Variants in STAB1 observed in about 807,000 individuals in gnomAD.
STAB1 encodes stabilin-1.
Under a neutral mutation model 332.4 loss-of-function variants are expected in STAB1, and 250 were observed. The ratio of observed to expected loss-of-function variants is 0.75; its 90% CI spans 0.68 to 0.84. STAB1 has a LOEUF of 0.84. Ranked by LOEUF, STAB1 falls within the 40% of genes least tolerant of loss-of-function variation. STAB1 has a pLI of 0.00. For missense variants in STAB1, 3,249 were observed against 3,489.7 expected (o/e 0.93, Z 1.74); for synonymous variants, 1,475 against 1,390.4 (o/e 1.06, Z -1.35).
In STAB1 at chr3:52,518,295, G is replaced by C. The variant is rs765320183; in HGVS notation, c.4762-17G>C. On this transcript the variant is annotated splice_polypyrimidine_tract_variant and intron_variant, in intron 45 of 68. Coordinates refer to ENST00000321725, the MANE Select transcript of STAB1 (RefSeq NM_015136.3). Reference sequence around the variant, plus strand: ...ATGGGGGCCGCCCCAAATCTGAGCTGACCCTCGCCCCCCCAGGAGCTCCTG... The same window carrying C: ...ATGGGGGCCGCCCCAAATCTGAGCTCACCCTCGCCCCCCCAGGAGCTCCTG... 1.2e-5 allele frequency: 20 copies of C among 1,612,300 alleles called. No individual in the cohort carries two copies. Among genetic ancestry groups the C allele is most frequent in the African/African-American group, 4.0e-5 (3 of 74,916 alleles).
chr3:52,497,457 G>A (rs145759627), intron 1 of STAB1, among the ~76,000 whole-genome samples: 107 of 141,964 alleles, frequency 7.5e-4, no homozygotes, highest in Non-Finnish European at 1.2e-3. Flanking sequence ...CTGTTGTCCG[G>A]GCTGCATTAC....
Position 52,520,131 on chromosome 3 carries a change from C to T in STAB1, c.5412+11C>T. On this transcript the variant is annotated intron_variant, in intron 51 of 68. Coordinates refer to ENST00000321725, the MANE Select transcript of STAB1 (RefSeq NM_015136.3). ...ATTCGCAATGTCGAGGTGGGTGCAG[C>T]CCCCAACCTTGGTCTTCACTGCCTG... 1 of 1,612,022 alleles carries T rather than the reference C, an allele frequency of 6.2e-7. No individual in the cohort carries two copies.
chr3:52,506,369 G>A (rs1198573705), intron 17 of STAB1, 119 bp downstream of exon 17: 34 of 927,840 alleles, frequency 3.7e-5, no homozygotes, highest in South Asian at 5.9e-5. Flanking sequence ...AGGCCATGGC[G>A]GGCTCATGGG....
chr3:52,506,111 G>A, intron 16 of STAB1, 59 bp from the exon 17 acceptor site: 1 of 1,564,346 alleles, frequency 6.4e-7, no homozygotes. Flanking sequence ...GGCAGGACTG[G>A]GCGTGGCCCC....
intron 42 of STAB1, 42 bp downstream of exon 42, chr3:52,517,151 G>T: frequency 6.6e-7 from 1 of 1,516,830 alleles, no homozygotes; most frequent in Middle Eastern, 1.8e-4. Flanking sequence ...TGGGCTAGGG[G>T]TCTGGCTTCA....
In STAB1 at chr3:52,520,788, G is replaced by A; in HGVS notation, c.5707-16G>A. ...ACTCAGAACCACCCAACTGCGGCCT[G>A]ACTCCTTTGGCCCAGGGCAGCCCTG... On this transcript the variant is annotated splice_polypyrimidine_tract_variant and intron_variant, in intron 54 of 68. Coordinates refer to ENST00000321725, the MANE Select transcript of STAB1 (RefSeq NM_015136.3). 6.2e-7 allele frequency: 1 copy of A among 1,612,772 alleles called. No homozygotes were observed. The highest frequency in any genetic ancestry group is 8.5e-7 in the Non-Finnish European group (1 of 1,180,016).
At chr3:52,511,783 T>C in intron 26 of STAB1, 38 bp downstream of exon 26, 1 of 1,503,350 alleles carries the variant, frequency 6.7e-7, no homozygotes, top group East Asian at 2.5e-5. Flanking sequence ...GGGGAAGCTT[T>C]CTGGGGTGAG....
chr3:52,521,444 C>A lies in STAB1; in HGVS notation c.5992C>A (p.Arg1998Ser). The change falls in exon 56 of 69, where the codon CGT (arginine) becomes AGT (serine). Residue 1998 changes from arginine (R) to serine (S), a missense_variant. Physicochemically the swap from Arg to Ser is moderately radical, Grantham distance 110. Coordinates refer to ENST00000321725, the MANE Select transcript of STAB1 (RefSeq NM_015136.3). ...GAGTGGCAGTGGGCAGTGTCTGTGC[C>A]GTTCAGGTTTTGCTGGGACAGCCTG... ...GMSGSGQCLC[R>S]SGFAGTACEL... 6.2e-7 allele frequency: 1 copy of A among 1,614,010 alleles called. No homozygotes were observed. The highest frequency in any genetic ancestry group is 8.5e-7 in the Non-Finnish European group (1 of 1,180,010).
At chr3:52,513,040 C>T in intron 29 of STAB1, 82 bp downstream of exon 29, 1 of 1,561,728 alleles carries the variant, frequency 6.4e-7, no homozygotes, top group Non-Finnish European at 8.7e-7. Context: ...GCCTGGCAGG[C>T]ACTCACCCCT....
At position 52,505,181 on chromosome 3, in the gene STAB1, TG is replaced by T. The variant is rs774109572; in HGVS notation, c.1518+41del. On this transcript the variant is annotated intron_variant, in intron 13 of 68. Transcript: ENST00000321725. ...CCTCCCCTCCCCTCCCCTGTGCTGC[TG>T]GGTAATCTCAGACCCCTGCAGAGAG... 3.1e-6 allele frequency: 5 copies of T among 1,609,752 alleles called. No individual in the cohort carries two copies. In the South Asian group the frequency reaches 5.5e-5, roughly 18 times the overall value.
rs200816862 is a variant in STAB1 at position 52,522,789 on chromosome 3, G to A, written c.6759G>A (p.Leu2253=). The change falls in exon 62 of 69, where the codon CTG becomes CTA. Residue 2253 remains leucine, a synonymous_variant. Coordinates refer to ENST00000321725, the MANE Select transcript of STAB1 (RefSeq NM_015136.3). ...LSAAQQLGFH[L]CLMGWLANGS... is the part of the protein sequence containing the mutation. ...TGTTCCTACAGCTGGGCTTCCACCT[G>A]TGCCTCATGGGCTGGCTGGCCAATG... is the stretch of plus-strand genomic sequence containing the variant. 3.7e-5 allele frequency: 60 copies of A among 1,613,096 alleles called. No homozygotes were observed. The African/African-American group carries it at 4.7e-4, about 13-fold the overall frequency.
intron 26 of STAB1, among the ~76,000 whole-genome samples, chr3:52,512,087 G>A (rs1449960393): frequency 3.3e-5 from 5 of 152,226 alleles, no homozygotes; most frequent in African/African-American, 7.2e-5. Context: ...CTGGGGATAC[G>A]GGCCTCCTGG....
chr3:52,505,696 G>C lies in STAB1; in HGVS notation c.1610G>C (p.Gly537Ala), dbSNP rs1308140493. The C allele has an allele frequency of 6.2e-7, 1 of 1,613,642 alleles. No homozygotes were observed. Among genetic ancestry groups the C allele is most frequent in the African/African-American group, 1.3e-5 (1 of 74,938 alleles). Reference protein sequence around the residue: ...ENCGLPSILDGPGPFTVFAPS... With the variant: ...ENCGLPSILDAPGPFTVFAPS... ...TGTGGGCTGCCCTCCATCCTGGACGGACCTGGGCCCTTCACAGTCTTTGCC... is the reference window on the plus strand; with the variant it reads ...TGTGGGCTGCCCTCCATCCTGGACGCACCTGGGCCCTTCACAGTCTTTGCC... The change falls in exon 15 of 69, where the codon GGA (glycine) becomes GCA (alanine). Residue 537 changes from glycine (G) to alanine (A), a missense_variant. Physicochemically the swap from Gly to Ala is moderately conservative, Grantham distance 60. Transcript: ENST00000321725.
In STAB1 at chr3:52,502,683, G is replaced by A; in HGVS notation, c.539G>A (p.Ser180Asn). The stretch of plus-strand genomic sequence containing the variant: ...AACCATGGGCCACGTGGGGATGGAA[G>A]CTGCCTGTGCTTTGCTGGATACACT... ...VCNHGPRGDG[S>N]CLCFAGYTGP... The change falls in exon 6 of 69, where the codon AGC becomes AAC. Residue 180 changes from serine to asparagine, a missense_variant. Transcript: ENST00000321725. 6.2e-7 allele frequency: 1 copy of A among 1,613,900 alleles called. No homozygotes were observed. The highest frequency in any genetic ancestry group is 8.5e-7 in the Non-Finnish European group (1 of 1,179,930).
chr3:52,521,994 C>A, intron 58 of STAB1, 43 bp downstream of exon 58: 1 of 1,609,312 alleles, frequency 6.2e-7, no homozygotes, highest in South Asian at 1.1e-5. Context: ...GGCCCCCACT[C>A]CCCTGCAGTC....
chr3:52,502,091 G>A lies in STAB1; in HGVS notation c.417G>A (p.Gln139=). 1 of 1,613,708 alleles carries A rather than the reference G, an allele frequency of 6.2e-7. No individual in the cohort carries two copies. The highest frequency in any genetic ancestry group is 2.2e-5 in the East Asian group (1 of 44,876). Residue 139 remains glutamine, a splice_region_variant and synonymous_variant, in exon 4 of 69, where the codon CAG becomes CAA. Transcript: ENST00000321725. ...ACAGGAATGGGACCTGTGTGTGCCA[G>A]GTAAGGGCTGGGCAAGGTGGGGTGG... ...GMDRNGTCVC[Q]ENFRGSACQE... is the part of the protein sequence containing the mutation.
intron 41 of STAB1, 30 bp downstream of exon 41, chr3:52,516,798 C>T: frequency 6.3e-7 from 1 of 1,599,094 alleles, no homozygotes; most frequent in Middle Eastern, 2.1e-4. Context: ...CAGGGCCCTC[C>T]CTGAAATTTT....
chr3:52,513,418 G>T (rs893076160), intron 30 of STAB1, among the ~76,000 whole-genome samples, 177 bp downstream of exon 30: 16 of 152,310 alleles, frequency 1.1e-4, no homozygotes, highest in African/African-American at 3.8e-4. Context: ...ACACTGAGTC[G>T]CTGGGCCAGG....
chr3:52,503,252 A>C, intron 7 of STAB1, 92 bp from the exon 8 acceptor site: 1 of 1,518,020 alleles, frequency 6.6e-7, no homozygotes, highest in Non-Finnish European at 8.9e-7. Context: ...GCCTAGGTCA[A>C]CCTGCTGGCC....
Sources: gnomAD v4.1 joint callset for allele counts (sites outside exome capture counted in the v4.1 genomes callset) on GRCh38, gnomAD v4.1.1 for gene constraint, MANE v1.5 for transcripts, NCBI Gene and HGNC (gene_info 2026-07-23, HGNC 2026-07-21) for gene names.